The following UXS1 variants were observed in gnomAD, a reference collection of about 807,000 sequenced individuals.
UXS1 encodes the protein UDP-glucuronic acid decarboxylase 1.
Under a neutral mutation model 62.6 loss-of-function variants are expected in UXS1, and 33 were observed. The ratio of observed to expected loss-of-function variants is 0.53; its 90% CI spans 0.40 to 0.70. The LOEUF is 0.70. UXS1 is among the 30% of genes least tolerant of loss of function. UXS1 has a pLI of 0.00. For missense variants in UXS1, 434 were observed against 556.3 expected (o/e 0.78, Z 2.21); for synonymous variants, 213 against 206.8 (o/e 1.03, Z -0.26).
rs1682599904 is a variant in UXS1 at position 106,158,194 on chromosome 2, C to T, written c.231-76G>A. The T allele has an allele frequency of 4.6e-6, 6 of 1,304,790 alleles. No individual in the cohort carries two copies. The South Asian group carries it at 7.7e-5, about 17-fold the overall frequency. The allele number at this position is 1,304,790 out of a possible 1,614,324, so 80.8% of individuals were successfully genotyped here. A position where few individuals can be genotyped will look rare whatever the true frequency, so the allele number is the denominator to read the frequency against. On this transcript the variant is annotated intron_variant, in intron 4 of 14. Coordinates refer to ENST00000283148, the MANE Select transcript of UXS1 (RefSeq NM_001253875.2). ...ATATTTTCTCTGTCTACCATCAAAG[C>T]ATGTGCCAGGTTTTGGGACTGTTAT...
Position 106,191,776 on chromosome 2 carries a change from G to A in UXS1, c.94+2372C>T, listed in dbSNP as rs114328461. Among the ~76,000 whole-genome samples, 562 of 152,320 alleles carry A rather than the reference G, an allele frequency of 3.7e-3. 5 individuals carry two copies. The highest frequency in any genetic ancestry group is 0.013 in the African/African-American group (544 of 41,580). The stretch of plus-strand genomic sequence containing the variant: ...GACTTCCCTGTTAACTCCTACATAA[G>A]CCGTCCATTCTCAGCTCACTTTTGA... On this transcript the variant is annotated intron_variant, in intron 1 of 14. Coordinates refer to ENST00000283148, the MANE Select transcript of UXS1 (RefSeq NM_001253875.2).
At position 106,174,570 on chromosome 2, in the gene UXS1, A is replaced by C. The variant is rs148404100; in HGVS notation, c.95-8487T>G. Among the ~76,000 whole-genome samples, 787 of 152,340 alleles carry C rather than the reference A, an allele frequency of 5.2e-3. 5 individuals are homozygous for C. The highest frequency in any genetic ancestry group is 0.014 in the Middle Eastern group (4 of 294). The stretch of plus-strand genomic sequence containing the variant: ...ATGTCTCACAGGCAAATAGAACCTG[A>C]GGGCTGGGGCTTGAAGGCCCGCATC... On this transcript the variant is annotated intron_variant, in intron 1 of 14. Coordinates refer to ENST00000283148, the MANE Select transcript of UXS1 (RefSeq NM_001253875.2).
chr2:106,121,210 A>G (rs1218810357), intron 9 of UXS1, among the ~76,000 whole-genome samples: 1 of 152,094 alleles, frequency 6.6e-6, no homozygotes, highest in East Asian at 1.9e-4. Flanking sequence ...CCAAATACCT[A>G]GAACAGTACC....
chr2:106,106,383 C>G (rs1678072431), intron 10 of UXS1, among the ~76,000 whole-genome samples: 2 of 128,794 alleles, frequency 1.6e-5, no homozygotes, highest in Admixed American at 7.8e-5. Context: ...AAAAAAAAAG[C>G]ACATGCATCA....
At chr2:106,173,651 A>G (rs536789666) in intron 1 of UXS1, among the ~76,000 whole-genome samples, 28 of 152,248 alleles carry the variant, frequency 1.8e-4, no homozygotes, top group Non-Finnish European at 4.0e-4. Context: ...ATTCAACTCT[A>G]CCACTGGAGA....
At chr2:106,161,032 T>C (rs2105050599) in intron 4 of UXS1, among the ~76,000 whole-genome samples, 1 of 152,294 alleles carries the variant, frequency 6.6e-6, no homozygotes, top group South Asian at 2.1e-4. Flanking sequence ...CATGTCATCC[T>C]GTTTTCCTCC....
intron 8 of UXS1, 73 bp from the exon 9 acceptor site, chr2:106,123,164 A>C: frequency 6.3e-7 from 1 of 1,591,192 alleles, no homozygotes; most frequent in South Asian, 1.1e-5. Flanking sequence ...CATATTTATG[A>C]TGCAAAAGGG....
rs138101364 is a variant in UXS1, at chr2:106,148,330, T to G, written c.292-2960A>C. On this transcript the variant is annotated intron_variant, in intron 5 of 14. Coordinates refer to ENST00000283148, the MANE Select transcript of UXS1 (RefSeq NM_001253875.2). ...TTTTATCTTCACGTTATTGCATTTT[T>G]TCCAAGTTTTCCATGATTTTTACAT... Among the ~76,000 whole-genome samples, 605 of 152,374 alleles carry G rather than the reference T, an allele frequency of 4.0e-3. 5 individuals are homozygous for G. Among genetic ancestry groups the G allele is most frequent in the African/African-American group, 0.013 (559 of 41,584 alleles).
chr2:106,096,124 G>A (rs911687670), intron 14 of UXS1, among the ~76,000 whole-genome samples: 5 of 152,216 alleles, frequency 3.3e-5, no homozygotes, highest in African/African-American at 7.2e-5. Flanking sequence ...GGCAACTGGG[G>A]CTACGCAGGG....
chr2:106,117,746 C>T (rs1679172620), intron 9 of UXS1, among the ~76,000 whole-genome samples: 1 of 152,190 alleles, frequency 6.6e-6, no homozygotes, highest in South Asian at 2.1e-4. Context: ...CCTAAAGCAA[C>T]GGAGTCAGGC....
chr2:106,139,935 G>T (rs1017951469), intron 6 of UXS1, among the ~76,000 whole-genome samples: 60 of 152,250 alleles, frequency 3.9e-4, no homozygotes, highest in South Asian at 2.1e-4. Flanking sequence ...TGAGTCAGAG[G>T]TCTTACAGAA....
At chr2:106,158,907 A>T (rs574010625) in intron 4 of UXS1, among the ~76,000 whole-genome samples, 1 of 152,334 alleles carries the variant, frequency 6.6e-6, no homozygotes, top group East Asian at 1.9e-4. Context: ...AGACAGACTA[A>T]GAGATGTCAC....
chr2:106,155,932 A>G (rs903160500), intron 5 of UXS1, among the ~76,000 whole-genome samples: 10 of 152,170 alleles, frequency 6.6e-5, no homozygotes, highest in Non-Finnish European at 1.2e-4. Context: ...AAATTTAAGA[A>G]CAAAATCTAT....
intron 1 of UXS1, 30 bp from the exon 2 acceptor site, chr2:106,166,113 G>C: frequency 6.2e-7 from 1 of 1,605,698 alleles, no homozygotes; most frequent in Non-Finnish European, 8.5e-7. Flanking sequence ...GGAAGTCAAT[G>C]TTTAAGTCCA....
intron 1 of UXS1, among the ~76,000 whole-genome samples, chr2:106,178,897 A>T (rs184081660): frequency 6.6e-6 from 1 of 152,302 alleles, no homozygotes; most frequent in Non-Finnish European, 1.5e-5. Flanking sequence ...GTACTTCCTG[A>T]CCAAGAAATA....
chr2:106,177,578 C>T (rs760517755), intron 1 of UXS1, among the ~76,000 whole-genome samples: 3 of 152,178 alleles, frequency 2.0e-5, no homozygotes, highest in Non-Finnish European at 4.4e-5. Context: ...CCTTCCTATA[C>T]TTTTGTATTA....
At chr2:106,123,209 G>A (rs574981459) in intron 8 of UXS1, 118 bp from the exon 9 acceptor site, 9 of 1,416,882 alleles carry the variant, frequency 6.4e-6, no homozygotes, top group Non-Finnish European at 8.5e-6. Context: ...ATGGAGAGAT[G>A]TATTAAAGAG....
At chr2:106,111,856 G>A (rs1678639559) in intron 10 of UXS1, among the ~76,000 whole-genome samples, 1 of 152,204 alleles carries the variant, frequency 6.6e-6, no homozygotes, top group African/African-American at 2.4e-5. Context: ...AAAATGCCAT[G>A]CTGGAAAGTG....
intron 8 of UXS1, among the ~76,000 whole-genome samples, chr2:106,124,141 T>C (rs1210280390): frequency 6.6e-6 from 1 of 152,212 alleles, no homozygotes; most frequent in African/African-American, 2.4e-5. Context: ...CTAAGGAAAA[T>C]ACTTCCTGAG....
Sources: gnomAD v4.1 joint callset for allele counts (sites outside exome capture counted in the v4.1 genomes callset) on GRCh38, gnomAD v4.1.1 for gene constraint, MANE v1.5 for transcripts, NCBI Gene and HGNC (gene_info 2026-07-23, HGNC 2026-07-21) for gene names.